SGCD: variants seen among roughly 807,000 people sequenced by gnomAD.
The protein encoded by SGCD is delta-sarcoglycan.
Under a neutral mutation model 36.6 loss-of-function variants are expected in SGCD, and 18 were observed. The observed-to-expected ratio is 0.49, with a 90% CI of 0.34 to 0.73. The LOEUF is 0.73. Ranked by LOEUF, SGCD falls within the 30% of genes least tolerant of loss-of-function variation. The probability of loss-of-function intolerance (pLI) is 0.01; values close to 1 mark genes in which losing one functional copy is unlikely to be tolerated. For synonymous variants in SGCD, 133 were observed against 130.6 expected, an observed-to-expected ratio of 1.02 and a Z score of -0.12; for missense variants, 387 against 346.7, an observed-to-expected ratio of 1.12 and a Z score of -0.92.
intron 4 of SGCD, among the ~76,000 whole-genome samples, chr5:156,562,949 T>C (rs1168715986): frequency 6.6e-6 from 1 of 152,010 alleles, no homozygotes; most frequent in Non-Finnish European, 1.5e-5. Flanking sequence ...AGAAACCAAT[T>C]AACAAGTATA....
intron 1 of SGCD, among the ~76,000 whole-genome samples, chr5:156,068,540 G>C (rs554169999): frequency 6.6e-6 from 1 of 151,798 alleles, no homozygotes; most frequent in Non-Finnish European, 1.5e-5. Flanking sequence ...CATTTGGGTT[G>C]GTTCCAAGTC....
intron 1 of SGCD, among the ~76,000 whole-genome samples, chr5:155,950,076 CA>C (rs1185118539): frequency 1.3e-5 from 2 of 152,090 alleles, no homozygotes; most frequent in East Asian, 3.9e-4. Context: ...AAACTTGACT[CA>C]AATTGGATGT....
At chr5:156,447,595 C>T (rs113247538) in intron 3 of SGCD, among the ~76,000 whole-genome samples, 11 of 152,078 alleles carry the variant, frequency 7.2e-5, no homozygotes, top group South Asian at 6.2e-4. Flanking sequence ...AAGTAGGAGC[C>T]GAACAACAAG....
chr5:155,921,962 C>A (rs1017431882), intron 1 of SGCD, among the ~76,000 whole-genome samples: 7 of 152,190 alleles, frequency 4.6e-5, no homozygotes, highest in Admixed American at 1.3e-4. Context: ...ACTAGAGACA[C>A]GTACTCTGGA....
At chr5:156,592,359 C>A (rs1382266755) in intron 5 of SGCD, among the ~76,000 whole-genome samples, 4 of 152,116 alleles carry the variant, frequency 2.6e-5, no homozygotes, top group African/African-American at 9.7e-5. Flanking sequence ...AAAGTAATAA[C>A]CCTAAAGCAC....
chr5:155,791,455 A>T, the SGCD span, among the ~76,000 whole-genome samples: 2 of 152,274 alleles, frequency 1.3e-5, no homozygotes, highest in South Asian at 4.1e-4. Flanking sequence ...CCAAGTAGAA[A>T]AAGAAGTCAA....
chr5:155,740,103 A>G, the SGCD span, among the ~76,000 whole-genome samples: 1 of 152,118 alleles, frequency 6.6e-6, no homozygotes, highest in South Asian at 2.1e-4. Context: ...ATATGTTTTT[A>G]TTTGTTTATT....
chr5:155,900,129 A>T (rs1305741930), intron 1 of SGCD, among the ~76,000 whole-genome samples: 1 of 152,168 alleles, frequency 6.6e-6, no homozygotes, highest in African/African-American at 2.4e-5. Flanking sequence ...CATGATAATG[A>T]TTATATAGGC....
rs139623713 is a variant in SGCD at position 156,310,064 on chromosome 5, A to T, written c.-43-19470A>T. Among the ~76,000 whole-genome samples, 12 of 152,274 alleles carry T rather than the reference A, an allele frequency of 7.9e-5. No homozygotes were observed. In the East Asian group the frequency reaches 2.3e-3, roughly 29 times the overall value. ...ATTATTACAGGCTATTTTTGTACCCAGAATTAGCATAAGGTGTCAACTTAA... is the reference window on the plus strand; with the variant it reads ...ATTATTACAGGCTATTTTTGTACCCTGAATTAGCATAAGGTGTCAACTTAA... On this transcript the variant is annotated intron_variant, in intron 3 of 9. Transcript: ENST00000517913.
At chr5:156,205,172 T>G (rs1418002293) in intron 3 of SGCD, among the ~76,000 whole-genome samples, 5 of 152,050 alleles carry the variant, frequency 3.3e-5, no homozygotes, top group African/African-American at 1.2e-4. Flanking sequence ...ACACCCAGAC[T>G]TCCTCTGCTT....
intron 1 of SGCD, among the ~76,000 whole-genome samples, chr5:156,106,109 C>CAAAAAAAAA (rs1159337817): frequency 4.0e-4 from 14 of 34,936 alleles, no homozygotes; most frequent in East Asian, 1.6e-3. Context: ...GACTCTGCCT[C>CAAAAAAAAA]AAAAAAAAAA....
intron 6 of SGCD, among the ~76,000 whole-genome samples, chr5:156,609,762 C>G (rs1159714951): frequency 6.6e-6 from 1 of 152,120 alleles, no homozygotes; most frequent in East Asian, 1.9e-4. Flanking sequence ...ACTTTTTTCT[C>G]TAAACTTCTC....
chr5:155,794,100 C>G, the SGCD span, among the ~76,000 whole-genome samples: 1 of 152,074 alleles, frequency 6.6e-6, no homozygotes, highest in African/African-American at 2.4e-5. Flanking sequence ...CAGCTGAAAG[C>G]TGTACAGCAC....
intron 3 of SGCD, among the ~76,000 whole-genome samples, chr5:156,194,092 A>G (rs1763962311): frequency 6.6e-6 from 1 of 152,168 alleles, no homozygotes; most frequent in African/African-American, 2.4e-5. Context: ...ACTGTGTAAA[A>G]AGGTTGGGTG....
intron 3 of SGCD, among the ~76,000 whole-genome samples, chr5:156,211,950 A>G (rs1764453263): frequency 6.6e-6 from 1 of 152,222 alleles, no homozygotes; most frequent in South Asian, 2.1e-4. Flanking sequence ...ATAGCCTGTT[A>G]TAATTTTAAG....
At chr5:156,252,659 A>G (rs1765612173) in intron 3 of SGCD, among the ~76,000 whole-genome samples, 1 of 152,352 alleles carries the variant, frequency 6.6e-6, no homozygotes, top group East Asian at 1.9e-4. Flanking sequence ...GCCCCATTAG[A>G]TGCAAACTTA....
chr5:156,473,105 G>A (rs1282826399), intron 3 of SGCD, among the ~76,000 whole-genome samples: 1 of 152,114 alleles, frequency 6.6e-6, no homozygotes, highest in Non-Finnish European at 1.5e-5. Context: ...TTCATCTCCA[G>A]TCTCACGAAA....
chr5:156,405,734 G>T (rs1772366910), intron 3 of SGCD, among the ~76,000 whole-genome samples: 1 of 152,120 alleles, frequency 6.6e-6, no homozygotes, highest in Non-Finnish European at 1.5e-5. Context: ...TTAATTTGTT[G>T]TCAAGATGGT....
chr5:156,745,155 C>T, intron 7 of SGCD, among the ~76,000 whole-genome samples: 1 of 151,990 alleles, frequency 6.6e-6, no homozygotes, highest in East Asian at 1.9e-4. Flanking sequence ...AAACTGGGAC[C>T]CCCCCAGTTA....
Sources: gnomAD v4.1 joint callset for allele counts (sites outside exome capture counted in the v4.1 genomes callset) on GRCh38, gnomAD v4.1.1 for gene constraint, MANE v1.5 for transcripts, NCBI Gene and HGNC (gene_info 2026-07-23, HGNC 2026-07-21) for gene names.